PHLDB2: variants seen among roughly 807,000 people sequenced by gnomAD.
PHLDB2 encodes the protein pleckstrin homology-like domain family B member 2.
Under a neutral mutation model 123.6 loss-of-function variants are expected in PHLDB2, and 71 were observed. The ratio of observed to expected loss-of-function variants is 0.57; its 90% CI spans 0.47 to 0.70. The LOEUF (loss-of-function observed/expected upper bound fraction) is 0.70, where lower values mean the gene tolerates loss of function less well. Among genes scored for constraint, PHLDB2 ranks in the 30% least tolerant of loss-of-function variants. The probability of loss-of-function intolerance (pLI) is 0.00; values close to 1 mark genes in which losing one functional copy is unlikely to be tolerated. For synonymous variants in PHLDB2, 547 were observed against 541.6 expected (o/e 1.01, Z -0.14); for missense variants, 1,446 against 1,519.5 (o/e 0.95, Z 0.80).
intron 9 of PHLDB2, among the ~76,000 whole-genome samples, chr3:111,946,679 G>C (rs1156375246): frequency 1.3e-5 from 2 of 152,202 alleles, no homozygotes; most frequent in East Asian, 3.8e-4. Flanking sequence ...GGTGGGTAAG[G>C]GTGCAGGTCT....
At position 111,884,585 on chromosome 3, in the gene PHLDB2, C is replaced by T. The variant is rs1389306789; in HGVS notation, c.508C>T (p.Arg170Trp). ...CTACTCTCTTGGAGGGCTGGAAGGT[C>T]GGAAGGCATCTGGCTCGCTCCTGGC... ...NVYSLGGLEG[R>W]KASGSLLAMW... The change falls in exon 2 of 18, where the codon CGG becomes TGG. Residue 170 changes from arginine to tryptophan, a missense_variant. Transcript: ENST00000431670. The T allele has an allele frequency of 3.7e-6, 6 of 1,614,048 alleles. No homozygotes were observed. Among genetic ancestry groups the T allele is most frequent in the South Asian group, 1.1e-5 (1 of 91,068 alleles).
intron 8 of PHLDB2, among the ~76,000 whole-genome samples, chr3:111,941,018 T>C (rs191331406): frequency 6.6e-6 from 1 of 152,368 alleles, no homozygotes; most frequent in East Asian, 1.9e-4. Context: ...TTTTTACTAC[T>C]GTCAAATATT....
chr3:111,913,426 G>C lies in PHLDB2; in HGVS notation c.1443G>C (p.Lys481Asn), dbSNP rs1310949598. The C allele has an allele frequency of 7.4e-6, 12 of 1,613,992 alleles. No homozygotes were observed. In the East Asian group the frequency reaches 2.7e-4, roughly 36 times the overall value. ...TGGAAGATGTGCAGAAAATCAACAA[G>C]GAGCTTGAGAAGCTGCAGCTCTCTG... ...TTVEDVQKIN[K>N]ELEKLQLSDE... Residue 481 changes from lysine to asparagine, a missense_variant, in exon 3 of 18, where the codon AAG becomes AAC. This residue lies in a region of PHLDB2 where 832 missense variants were observed against 831.9 expected (regional missense o/e 1.00). Transcript: ENST00000431670.
intron 1 of PHLDB2, among the ~76,000 whole-genome samples, chr3:111,871,289 C>T (rs990544364): frequency 6.6e-6 from 1 of 152,148 alleles, no homozygotes; most frequent in East Asian, 1.9e-4. Flanking sequence ...GACTTTAAGT[C>T]CCTCTTCTCT....
In PHLDB2 at chr3:111,735,510, G is replaced by A. The variant is rs141984954; in HGVS notation, c.-49+2807G>A. Among the ~76,000 whole-genome samples the A allele has an allele frequency of 3.8e-3, 574 of 152,286 alleles. 4 individuals are homozygous for A. Among genetic ancestry groups the A allele is most frequent in the African/African-American group, 0.013 (544 of 41,542 alleles). On this transcript the variant is annotated intron_variant, in intron 1 of 17. Transcript: ENST00000393923. The stretch of plus-strand genomic sequence containing the variant: ...AGAAATGCCATCATGAAATGAGGTC[G>A]ACTAAATGTCTTTGAACAAAGGGTT...
intron 1 of PHLDB2, among the ~76,000 whole-genome samples, chr3:111,840,635 G>A (rs2063643622): frequency 6.6e-6 from 1 of 152,052 alleles, no homozygotes; most frequent in Non-Finnish European, 1.5e-5. Flanking sequence ...CCTGTCTTAG[G>A]GCCACATAAA....
chr3:111,966,632 G>A lies in PHLDB2; in HGVS notation c.3097G>A (p.Ala1033Thr). Residue 1033 changes from alanine (A) to threonine (T), a missense_variant, in exon 14 of 18, where the codon GCT (alanine) becomes ACT (threonine). Ala to Thr is a moderately conservative substitution (Grantham distance 58, BLOSUM62 0). This residue lies in a region of PHLDB2 where 594 missense variants were observed against 646.0 expected (regional missense o/e 0.92). Coordinates refer to ENST00000431670, the MANE Select transcript of PHLDB2 (RefSeq NM_001134438.2). ...NISSASTSNIARIEEMERLLK... is the reference protein window; with the variant it reads ...NISSASTSNITRIEEMERLLK... ...ATTCAGTGCCAGCACTTCAAATATT[G>A]CTAGAATAGAAGAAATGGAGAGACT... The A allele has an allele frequency of 6.2e-7, 1 of 1,612,544 alleles. No homozygotes were observed. The highest frequency in any genetic ancestry group is 8.5e-7 in the Non-Finnish European group (1 of 1,179,152).
At chr3:111,917,493 C>G (rs1209915180) in intron 3 of PHLDB2, 2 of 152,174 alleles carry the variant, frequency 1.3e-5, no homozygotes, top group African/African-American at 2.4e-5. Context: ...GGATTACTCA[C>G]AGTGATTCTG....
At chr3:111,855,634 T>TTC (rs1398114547), upstream of PHLDB2, among the ~76,000 whole-genome samples, 3 of 105,946 alleles carry the variant, frequency 2.8e-5, no homozygotes, top group Non-Finnish European at 6.6e-5. Flanking sequence ...TTTGTCTTTT[T>TTC]TTTTTTTTTT....
At chr3:111,830,198 G>A (rs1250713491) in intron 1 of PHLDB2, among the ~76,000 whole-genome samples, 1 of 151,982 alleles carries the variant, frequency 6.6e-6, no homozygotes, top group Non-Finnish European at 1.5e-5. Flanking sequence ...CCTACTTCGA[G>A]GCCTCTATCA....
chr3:111,732,558 A>C, exon 1 of PHLDB2: 1 of 1,418,206 alleles, frequency 7.1e-7, no homozygotes, highest in Admixed American at 2.0e-5. Flanking sequence ...CCTCACCTTC[A>C]TGCTTGGGGA....
At chr3:111,861,877 G>T (rs1429657711) in intron 1 of PHLDB2, among the ~76,000 whole-genome samples, 1 of 152,118 alleles carries the variant, frequency 6.6e-6, no homozygotes, top group East Asian at 1.9e-4. Context: ...TATAAGCAAG[G>T]GTTGACTCTC....
intron 1 of PHLDB2, among the ~76,000 whole-genome samples, chr3:111,872,410 TC>T (rs2065390077): frequency 6.6e-6 from 1 of 152,128 alleles, no homozygotes; most frequent in African/African-American, 2.4e-5. Flanking sequence ...AGACCTCCCT[TC>T]CCCACTTCCC....
intron 15 of PHLDB2, 136 bp from the exon 16 acceptor site, chr3:111,969,550 CTTTG>C: frequency 1.5e-6 from 1 of 655,708 alleles, no homozygotes; most frequent in Non-Finnish European, 2.6e-6. Flanking sequence ...ATCATAAGTG[CTTTG>C]TTTATCTTAA....
upstream of PHLDB2, among the ~76,000 whole-genome samples, chr3:111,856,559 A>G (rs1436354194): frequency 6.6e-6 from 1 of 152,244 alleles, no homozygotes; most frequent in Non-Finnish European, 1.5e-5. Flanking sequence ...TTAGACATAA[A>G]TATTGGCAAT....
chr3:111,844,697 G>C (rs2063866802), intron 1 of PHLDB2, among the ~76,000 whole-genome samples: 1 of 152,172 alleles, frequency 6.6e-6, no homozygotes, highest in Non-Finnish European at 1.5e-5. Context: ...AACCTGGTAT[G>C]TTTTAGCATT....
chr3:111,759,532 A>ATATG (rs1491211080), intron 1 of PHLDB2, among the ~76,000 whole-genome samples: 1 of 152,048 alleles, frequency 6.6e-6, no homozygotes, highest in Non-Finnish European at 1.5e-5. Flanking sequence ...ACACACACAC[A>ATATG]TATGTATGTA....
chr3:111,934,151 A>G (rs147380245), intron 6 of PHLDB2, among the ~76,000 whole-genome samples: 1 of 152,224 alleles, frequency 6.6e-6, no homozygotes, highest in African/African-American at 2.4e-5. Flanking sequence ...TAAAATTCTT[A>G]TAAAACCTCT....
intron 1 of PHLDB2, among the ~76,000 whole-genome samples, chr3:111,828,063 G>A (rs2062753022): frequency 6.6e-6 from 1 of 152,202 alleles, no homozygotes; most frequent in Admixed American, 6.5e-5. Flanking sequence ...CCTCCCCATA[G>A]GGGCCTGCCT....
Sources: gnomAD v4.1 joint callset for allele counts (sites outside exome capture counted in the v4.1 genomes callset) on GRCh38, gnomAD v4.1.1 for gene constraint, gnomAD v4.1.1 regional missense constraint, MANE v1.5 for transcripts, NCBI Gene and HGNC (gene_info 2026-07-23, HGNC 2026-07-21) for gene names.